ZNF284: variants seen among roughly 807,000 people sequenced by gnomAD.
The protein encoded by ZNF284 is zinc finger protein 284.
Under a neutral mutation model 12.9 loss-of-function variants are expected in ZNF284, and 12 were observed. The observed-to-expected ratio is 0.93, with a 90% CI of 0.60 to 1.51. The LOEUF is 1.51. Among genes scored for constraint, ZNF284 ranks in the 40% most tolerant of loss-of-function variants. The pLI, the probability that ZNF284 is intolerant of heterozygous loss-of-function variation, is 0.00. For synonymous variants in ZNF284, 225 were observed against 236.5 expected, an observed-to-expected ratio of 0.95 and a Z score of 0.45; for missense variants, 667 against 707.3, an observed-to-expected ratio of 0.94 and a Z score of 0.65.
At position 44,085,740 on chromosome 19, in the gene ZNF284, T is replaced by A. The variant is rs747631394; in HGVS notation, c.262T>A (p.Ser88Thr). Reference protein sequence around the residue: ...SGGKIQTELESVPETGPHEEW... With the variant: ...SGGKIQTELETVPETGPHEEW... ...AGGCAAGATCCAAACTGAGTTGGAG[T>A]CTGTTCCAGAAACAGGACCACATGA... Residue 88 changes from serine to threonine, a missense_variant, in exon 5 of 5, where the codon TCT becomes ACT. Transcript: ENST00000421176. 1 of 1,613,318 alleles carries A rather than the reference T, an allele frequency of 6.2e-7. No homozygotes were observed. The highest frequency in any genetic ancestry group is 8.5e-7 in the Non-Finnish European group (1 of 1,179,570).
chr19:44,082,122 G>C lies in ZNF284; in HGVS notation c.235+17G>C, dbSNP rs963984316. The C allele has an allele frequency of 6.3e-7, 1 of 1,594,994 alleles. No individual in the cohort carries two copies. Among genetic ancestry groups the C allele is most frequent in the Non-Finnish European group, 8.6e-7 (1 of 1,163,668 alleles). On this transcript the variant is annotated intron_variant, in intron 4 of 4. Coordinates refer to ENST00000421176, the MANE Select transcript of ZNF284 (RefSeq NM_001037813.4). The stretch of plus-strand genomic sequence containing the variant: ...GGAATTCAGGTAAGAACCAAGCAAC[G>C]ATGCATCCTTGTACGTGACCCTTCC...
intron 4 of ZNF284, among the ~76,000 whole-genome samples, chr19:44,084,545 G>T (rs550791532): frequency 3.3e-5 from 5 of 152,272 alleles, no homozygotes; most frequent in Admixed American, 2.6e-4. Context: ...AGAGGCAGCA[G>T]CCCCAGACAG....
intron 4 of ZNF284, among the ~76,000 whole-genome samples, chr19:44,084,067 G>A (rs1967183009): frequency 6.6e-6 from 1 of 152,156 alleles, no homozygotes; most frequent in South Asian, 2.1e-4. Flanking sequence ...AACATGGCAG[G>A]GTGATCTCAA....
At chr19:44,081,533 A>C (rs1967124418) in intron 3 of ZNF284, among the ~76,000 whole-genome samples, 1 of 151,764 alleles carries the variant, frequency 6.6e-6, no homozygotes, top group Non-Finnish European at 1.5e-5. Flanking sequence ...AACACGGTGA[A>C]ACCCCGTCTC....
intron 1 of ZNF284, among the ~76,000 whole-genome samples, chr19:44,072,983 G>A (rs975904460): frequency 1.5e-4 from 23 of 152,198 alleles, no homozygotes; most frequent in African/African-American, 5.1e-4. Flanking sequence ...TTACAGAGAT[G>A]CTCACCCCGA....
Position 44,082,001 on chromosome 19 carries a change from C to G in ZNF284, c.143-12C>G. Reference sequence around the variant, plus strand: ...AGATGTATTGGGATTAAGCATGTGACTTTGTTCACAGGGCATCAACTTTCC... The same window carrying G: ...AGATGTATTGGGATTAAGCATGTGAGTTTGTTCACAGGGCATCAACTTTCC... On this transcript the variant is annotated splice_polypyrimidine_tract_variant and intron_variant, in intron 3 of 4. Transcript: ENST00000421176. 6.2e-7 allele frequency: 1 copy of G among 1,609,472 alleles called. No homozygotes were observed. The highest frequency in any genetic ancestry group is 8.5e-7 in the Non-Finnish European group (1 of 1,176,662).
At chr19:44,077,581 T>C (rs1038218964) in intron 2 of ZNF284, among the ~76,000 whole-genome samples, 5 of 150,794 alleles carry the variant, frequency 3.3e-5, no homozygotes, top group African/African-American at 1.2e-4. Context: ...TTTGGTAGCT[T>C]TAGTTTCAAA....
intron 2 of ZNF284, 81 bp downstream of exon 2, chr19:44,076,485 A>G (rs1374074245): frequency 1.2e-5 from 17 of 1,451,748 alleles, no homozygotes; most frequent in Non-Finnish European, 1.6e-5. Flanking sequence ...GGTCTTGGGA[A>G]GACTCAAGGA....
rs771153755 is a variant in ZNF284, at chr19:44,087,212, G to A, written c.1734G>A (p.Arg578=). The A allele has an allele frequency of 6.3e-7, 1 of 1,597,530 alleles. No homozygotes were observed. Among genetic ancestry groups the A allele is most frequent in the South Asian group, 1.1e-5 (1 of 87,612 alleles). Residue 578 remains arginine, a synonymous_variant, in exon 5 of 5, where the codon AGG becomes AGA. Transcript: ENST00000421176. Reference sequence around the variant, plus strand: ...AGGACTGTGGGAAGCGCTACGAGAGGCGCTTGAATCTAGATATGATTTTAT... The same window carrying A: ...AGGACTGTGGGAAGCGCTACGAGAGACGCTTGAATCTAGATATGATTTTAT... ...KCEDCGKRYE[R]RLNLDMILSL...
intron 3 of ZNF284, among the ~76,000 whole-genome samples, chr19:44,081,585 G>A (rs185068087): frequency 2.0e-5 from 3 of 151,984 alleles, no homozygotes; most frequent in Admixed American, 6.5e-5. Flanking sequence ...GGTGGCGGGC[G>A]TCTGTAGTCC....
rs768403127 is a variant in ZNF284 at position 44,086,509 on chromosome 19, A to G, written c.1031A>G (p.Lys344Arg). ...CMDHTKEKLY[K>R]CEECGRSFTC... ...GACCACACAAAAGAGAAACTATACAAATGTGAAGAATGTGGAAGGAGCTTC... is the reference window on the plus strand; with the variant it reads ...GACCACACAAAAGAGAAACTATACAGATGTGAAGAATGTGGAAGGAGCTTC... Residue 344 changes from lysine to arginine, a missense_variant, in exon 5 of 5, where the codon AAA becomes AGA. Physicochemically the swap from Lys to Arg is conservative, Grantham distance 26. Coordinates refer to ENST00000421176, the MANE Select transcript of ZNF284 (RefSeq NM_001037813.4). The G allele has an allele frequency of 6.2e-7, 1 of 1,614,200 alleles. No individual in the cohort carries two copies. Among genetic ancestry groups the G allele is most frequent in the Non-Finnish European group, 8.5e-7 (1 of 1,180,028 alleles).
chr19:44,087,109 G>A lies in ZNF284; in HGVS notation c.1631G>A (p.Cys544Tyr). The change falls in exon 5 of 5, where the codon TGT becomes TAT. Residue 544 changes from cysteine to tyrosine, a missense_variant. Cys to Tyr is a radical substitution (Grantham distance 194, BLOSUM62 -2). Coordinates refer to ENST00000421176, the MANE Select transcript of ZNF284 (RefSeq NM_001037813.4). ...GAAAAACTATTCCAATGTGAGGATT[G>A]TGGGAAGAGCAGTGAGCACAGTTCA... Reference protein sequence around the residue: ...SREKLFQCEDCGKSSEHSSCL... With the variant: ...SREKLFQCEDYGKSSEHSSCL... 6.2e-7 allele frequency: 1 copy of A among 1,614,186 alleles called. No homozygotes were observed. Among genetic ancestry groups the A allele is most frequent in the Non-Finnish European group, 8.5e-7 (1 of 1,180,014 alleles).
rs772598855 is a variant in ZNF284, at chr19:44,085,794, C to A, written c.316C>A (p.Gln106Lys). The change falls in exon 5 of 5, where the codon CAA becomes AAA. Residue 106 changes from glutamine to lysine, a missense_variant. By Grantham distance (53) the Gln-to-Lys change is moderately conservative (BLOSUM62 1). Coordinates refer to ENST00000421176, the MANE Select transcript of ZNF284 (RefSeq NM_001037813.4). ...EEWSCQQIWE[Q>K]TASELTRPQD... Reference sequence around the variant, plus strand: ...GTGGTCTTGCCAGCAAATCTGGGAACAAACTGCAAGTGAGTTAACTAGACC... The same window carrying A: ...GTGGTCTTGCCAGCAAATCTGGGAAAAAACTGCAAGTGAGTTAACTAGACC... 5.6e-6 allele frequency: 9 copies of A among 1,614,192 alleles called. 1 individual carries two copies. In the South Asian group the frequency reaches 9.9e-5, roughly 18 times the overall value.
At chr19:44,085,620 T>G in intron 4 of ZNF284, 94 bp from the exon 5 acceptor site, 3 of 1,130,710 alleles carry the variant, frequency 2.7e-6, no homozygotes, top group South Asian at 1.5e-5. Flanking sequence ...TTCCTTGTAT[T>G]CAGTAAAGTT....
rs1966957342 is a variant in ZNF284 at position 44,072,275 on chromosome 19, C to G, written c.-85C>G. The G allele has an allele frequency of 6.6e-6, 1 of 152,168 alleles. No homozygotes were observed. The highest frequency in any genetic ancestry group is 2.4e-5 in the African/African-American group (1 of 41,398). The allele number at this position is 152,168 out of a possible 1,614,324, so 9.4% of individuals were successfully genotyped here. ...GAAGTTGACTAAGGGGAGAAGGAGT[C>G]TCGTTGGAAAACGGAGGTTTGGAGG... On this transcript the variant is annotated 5_prime_UTR_variant, in exon 1 of 5. Transcript: ENST00000421176.
rs919735101 is a variant in ZNF284, at chr19:44,079,650, G to A, written c.16-1365G>A. On this transcript the variant is annotated intron_variant, in intron 2 of 4. Coordinates refer to ENST00000421176, the MANE Select transcript of ZNF284 (RefSeq NM_001037813.4). The stretch of plus-strand genomic sequence containing the variant: ...TGTGAACCCAGGAGGCGGAGCTTGC[G>A]TTAGCTGAGATTGCACCACTGCACT... Among the ~76,000 whole-genome samples the A allele has an allele frequency of 5.5e-4, 83 of 151,832 alleles. 2 individuals are homozygous for A. The highest frequency in any genetic ancestry group is 8.3e-4 in the South Asian group (4 of 4,826).
At chr19:44,079,876 T>C (rs964058862) in intron 2 of ZNF284, among the ~76,000 whole-genome samples, 4 of 151,986 alleles carry the variant, frequency 2.6e-5, no homozygotes, top group Admixed American at 2.6e-4. Context: ...TGCCGTGAGC[T>C]GAGTTTGCGC....
At chr19:44,080,936 C>T in intron 2 of ZNF284, 79 bp from the exon 3 acceptor site, 2 of 1,525,956 alleles carry the variant, frequency 1.3e-6, no homozygotes, top group Non-Finnish European at 1.8e-6. Context: ...CTCACCCATC[C>T]CCTTCACCTG....
chr19:44,075,075 G>A (rs1751171181), intron 1 of ZNF284, among the ~76,000 whole-genome samples: 1 of 152,024 alleles, frequency 6.6e-6, no homozygotes, highest in Non-Finnish European at 1.5e-5. Context: ...GCTAATAATA[G>A]TAGTTGTAGT....
Sources: gnomAD v4.1 joint callset for allele counts (sites outside exome capture counted in the v4.1 genomes callset) on GRCh38, gnomAD v4.1.1 for gene constraint, MANE v1.5 for transcripts, NCBI Gene and HGNC (gene_info 2026-07-23, HGNC 2026-07-21) for gene names.